The following RBFOX2 variants were observed in gnomAD, a reference collection of about 807,000 sequenced individuals.
The protein encoded by RBFOX2 is RNA binding fox-1 homolog 2.
Under a neutral mutation model 49.1 loss-of-function variants are expected in RBFOX2, and 10 were observed. The observed-to-expected ratio is 0.20, with a 90% confidence interval of 0.13 to 0.35. RBFOX2 has a LOEUF of 0.35. Among genes scored for constraint, RBFOX2 ranks in the 10% least tolerant of loss-of-function variants. The pLI is 1.00. For missense variants in RBFOX2, 323 were observed against 486.9 expected (o/e 0.66, Z 3.17); for synonymous variants, 183 against 187.4 (o/e 0.98, Z 0.19).
intron 6 of RBFOX2, among the ~76,000 whole-genome samples, chr22:35,763,087 C>A (rs370398870): frequency 6.6e-6 from 1 of 152,136 alleles, no homozygotes; most frequent in Non-Finnish European, 1.5e-5. Flanking sequence ...TCCAACCAAC[C>A]TAAATGAGAA....
intron 1 of RBFOX2, among the ~76,000 whole-genome samples, chr22:35,817,343 G>A (rs902920357): frequency 6.6e-6 from 1 of 152,042 alleles, no homozygotes; most frequent in African/African-American, 2.4e-5. Context: ...CAGGTGTGAT[G>A]GTGCACGTCT....
At chr22:35,969,251 A>G (rs2056739786) in intron 1 of RBFOX2, among the ~76,000 whole-genome samples, 2 of 152,046 alleles carry the variant, frequency 1.3e-5, no homozygotes, top group African/African-American at 4.8e-5. Flanking sequence ...ATTACCCCCA[A>G]TAAAAATTTC....
intron 1 of RBFOX2, among the ~76,000 whole-genome samples, chr22:35,935,448 G>A (rs1038097219): frequency 1.3e-5 from 2 of 152,166 alleles, no homozygotes; most frequent in Admixed American, 6.5e-5. Context: ...GCATAAACAT[G>A]CAAGAGGTGG....
chr22:35,974,532 C>T (rs1474466013), intron 1 of RBFOX2, among the ~76,000 whole-genome samples: 1 of 151,968 alleles, frequency 6.6e-6, no homozygotes, highest in Non-Finnish European at 1.5e-5. Flanking sequence ...ACTAAAAATA[C>T]AAAAATTAGC....
chr22:35,923,854 C>T (rs975359928), intron 1 of RBFOX2, among the ~76,000 whole-genome samples: 3 of 151,942 alleles, frequency 2.0e-5, no homozygotes, highest in Non-Finnish European at 4.4e-5. Flanking sequence ...ATAACTATCA[C>T]CCCTTAGTAA....
intron 4 of RBFOX2, among the ~76,000 whole-genome samples, chr22:35,774,141 AG>A (rs1460587549): frequency 6.6e-6 from 1 of 152,088 alleles, no homozygotes; most frequent in Non-Finnish European, 1.5e-5. Context: ...AGCATATATA[AG>A]GAGAGTAAAT....
At chr22:36,021,686 T>G (rs747440285) in intron 1 of RBFOX2, among the ~76,000 whole-genome samples, 1 of 152,230 alleles carries the variant, frequency 6.6e-6, no homozygotes, top group Non-Finnish European at 1.5e-5. Context: ...CTCATTCTCT[T>G]GAGTAAATGA....
At chr22:35,895,263 A>G (rs1374277436) in intron 1 of RBFOX2, among the ~76,000 whole-genome samples, 2 of 152,212 alleles carry the variant, frequency 1.3e-5, no homozygotes, top group African/African-American at 4.8e-5. Flanking sequence ...GGGGTCAGTA[A>G]TAAACCACCA....
At chr22:35,763,551 C>T (rs1225173672) in intron 6 of RBFOX2, among the ~76,000 whole-genome samples, 2 of 152,168 alleles carry the variant, frequency 1.3e-5, no homozygotes, top group Non-Finnish European at 2.9e-5. Flanking sequence ...GACAGAGAGA[C>T]TCTGCCTCAA....
At chr22:35,995,071 G>T (rs912837856) in intron 1 of RBFOX2, 4 of 152,244 alleles carry the variant, frequency 2.6e-5, no homozygotes, top group Non-Finnish European at 5.9e-5. Context: ...AAGAAAGAGG[G>T]AAAGGACAGT....
At chr22:35,912,800 C>A (rs1468320331) in intron 1 of RBFOX2, among the ~76,000 whole-genome samples, 1 of 152,146 alleles carries the variant, frequency 6.6e-6, no homozygotes. Flanking sequence ...ATCCCAGAGG[C>A]AGCATGGCAT....
In RBFOX2 at chr22:35,746,576, A is replaced by T. The variant is rs1932833505; in HGVS notation, c.888-15T>A. 1 of 1,516,912 alleles carries T rather than the reference A, an allele frequency of 6.6e-7. No individual in the cohort carries two copies. The highest frequency in any genetic ancestry group is 9.0e-7 in the Non-Finnish European group (1 of 1,117,070). The allele number at this position is 1,516,912 out of a possible 1,614,324, so 94.0% of individuals were successfully genotyped here. On this transcript the variant is annotated splice_polypyrimidine_tract_variant and intron_variant, in intron 9 of 11. Transcript: ENST00000405409. ...GCATATCCACCCTACAGGAGAGAAG[A>T]GAACTGACTTTACAGATACCTCTCC...
chr22:35,823,721 A>C (rs1439151743), intron 1 of RBFOX2, among the ~76,000 whole-genome samples: 1 of 152,262 alleles, frequency 6.6e-6, no homozygotes, highest in African/African-American at 2.4e-5. Context: ...AAGATTTATT[A>C]AAAGAAAATT....
intron 1 of RBFOX2, among the ~76,000 whole-genome samples, chr22:36,023,333 CT>C (rs955424036): frequency 6.6e-6 from 1 of 152,200 alleles, no homozygotes; most frequent in Non-Finnish European, 1.5e-5. Context: ...GCTGAACCCA[CT>C]TGGCTAAACT....
At chr22:35,804,987 G>C (rs1380520190) in intron 2 of RBFOX2, among the ~76,000 whole-genome samples, 1 of 151,862 alleles carries the variant, frequency 6.6e-6, no homozygotes, top group Non-Finnish European at 1.5e-5. Flanking sequence ...CAAACAACCT[G>C]ATTAAAAAGT....
intron 1 of RBFOX2, among the ~76,000 whole-genome samples, chr22:35,944,156 T>C (rs1403198396): frequency 6.6e-6 from 1 of 152,142 alleles, no homozygotes; most frequent in Non-Finnish European, 1.5e-5. Context: ...GTCATAATAA[T>C]TACAAGACAG....
intron 4 of RBFOX2, among the ~76,000 whole-genome samples, chr22:35,777,331 T>C (rs1360620862): frequency 6.6e-6 from 1 of 152,186 alleles, no homozygotes; most frequent in Non-Finnish European, 1.5e-5. Context: ...AAATAAATTT[T>C]AATTAAAAAT....
At chr22:35,957,145 G>T (rs1377717069) in intron 1 of RBFOX2, among the ~76,000 whole-genome samples, 1 of 152,110 alleles carries the variant, frequency 6.6e-6, no homozygotes, top group African/African-American at 2.4e-5. Context: ...TAGCTCTATG[G>T]CTGTGGAAAG....
At position 35,810,086 on chromosome 22, in the gene RBFOX2, T is replaced by G. The variant is rs1034339293; in HGVS notation, c.28-82A>C. 2.2e-6 allele frequency: 3 copies of G among 1,358,256 alleles called. No individual in the cohort carries two copies. The Admixed American group carries it at 5.8e-5, about 26-fold the overall frequency. 84.1% of individuals were successfully genotyped at this position (1,358,256 alleles called of 1,614,324 possible). A position where few individuals can be genotyped will look rare whatever the true frequency, so the allele number is the denominator to read the frequency against. On this transcript the variant is annotated intron_variant, in intron 1 of 11. Transcript: ENST00000405409. ...TTTTTAAAGTGAGTATATGGAATTC[T>G]CTGAATATTCTCTCACTGCATAGGT...
Sources: allele counts gnomAD v4.1 joint callset (sites outside exome capture counted in the v4.1 genomes callset), GRCh38; gene constraint gnomAD v4.1.1; transcripts MANE v1.5; gene names NCBI Gene and HGNC (gene_info 2026-07-23, HGNC 2026-07-21).